SEZ6L: variants seen among roughly 807,000 people sequenced by gnomAD.
SEZ6L encodes seizure related 6 homolog like, also known as seizure 6-like protein.
A neutral mutation model predicts 106.2 loss-of-function variants in SEZ6L; 37 were observed. The observed-to-expected ratio is 0.35, with a 90% confidence interval of 0.27 to 0.46. The LOEUF (loss-of-function observed/expected upper bound fraction) is 0.46, where lower values mean the gene tolerates loss of function less well. SEZ6L is among the 20% of genes least tolerant of loss of function. The pLI is 1.00. For missense variants in SEZ6L, 1,172 were observed against 1,332.8 expected (o/e 0.88, Z 1.88); for synonymous variants, 541 against 570.4 (o/e 0.95, Z 0.73).
chr22:26,327,709 G>A (rs949796108), intron 9 of SEZ6L, among the ~76,000 whole-genome samples: 3 of 151,340 alleles, frequency 2.0e-5, no homozygotes, highest in Non-Finnish European at 2.9e-5. Context: ...CACACCACAC[G>A]CACATGCGCC....
chr22:26,201,382 C>CAAAAATAAA (rs746847898), intron 1 of SEZ6L, among the ~76,000 whole-genome samples: 1 of 75,320 alleles, frequency 1.3e-5, no homozygotes, highest in African/African-American at 5.7e-5. Context: ...TACAAAAATA[C>CAAAAATAAA]AAAAAAAAAA....
At chr22:26,280,889 T>G (rs1424951114) in intron 1 of SEZ6L, among the ~76,000 whole-genome samples, 2 of 152,234 alleles carry the variant, frequency 1.3e-5, no homozygotes, top group African/African-American at 4.8e-5. Flanking sequence ...CTTCACACAT[T>G]TATTAATTTT....
rs1429003830 is a variant in SEZ6L at position 26,351,242 on chromosome 22, T to C, written c.2598T>C (p.Val866=). The C allele has an allele frequency of 6.2e-7, 1 of 1,613,578 alleles. No individual in the cohort carries two copies. The highest frequency in any genetic ancestry group is 1.3e-5 in the African/African-American group (1 of 74,932). The change falls in exon 12 of 17, where the codon GTT becomes GTC. Residue 866 remains valine (V), a splice_region_variant and synonymous_variant. Coordinates refer to ENST00000248933, the MANE Select transcript of SEZ6L (RefSeq NM_021115.5). ...PIWTSRLPHC[V]SEESLACDNP... ...GGACGTCTCGCCTGCCCCACTGCGT[T>C]TGTGAGTCCTGTTTAATGAATTGGG... is the stretch of plus-strand genomic sequence containing the variant.
chr22:26,335,056 C>T (rs563691292), intron 9 of SEZ6L, among the ~76,000 whole-genome samples: 43 of 152,208 alleles, frequency 2.8e-4, no homozygotes, highest in Non-Finnish European at 6.0e-4. Context: ...GTGAACTCAA[C>T]ACATTTTCAT....
chr22:26,197,261 A>G (rs569005097), intron 1 of SEZ6L, among the ~76,000 whole-genome samples: 83 of 152,300 alleles, frequency 5.4e-4, no homozygotes, highest in African/African-American at 1.9e-3. Context: ...ATTCCCAGCA[A>G]CTAAGCCTGG....
At chr22:26,281,398 G>A (rs199601990) in intron 1 of SEZ6L, among the ~76,000 whole-genome samples, 3 of 137,028 alleles carry the variant, frequency 2.2e-5, no homozygotes, top group African/African-American at 8.4e-5. Context: ...TTTTTGAGAC[G>A]GAGTCTCACT....
intron 1 of SEZ6L, among the ~76,000 whole-genome samples, chr22:26,202,131 G>T (rs1163001921): frequency 1.3e-5 from 2 of 152,058 alleles, no homozygotes; most frequent in African/African-American, 4.8e-5. Flanking sequence ...AGCCAGGATA[G>T]TCTTGATCTC....
At chr22:26,221,504 G>A (rs2078467549) in intron 1 of SEZ6L, among the ~76,000 whole-genome samples, 2 of 152,240 alleles carry the variant, frequency 1.3e-5, no homozygotes, top group South Asian at 4.1e-4. Flanking sequence ...ATATGAAATA[G>A]ACACACTGCC....
At chr22:26,369,533 GT>G (rs1245032033) in intron 13 of SEZ6L, among the ~76,000 whole-genome samples, 2 of 150,836 alleles carry the variant, frequency 1.3e-5, no homozygotes, top group South Asian at 2.1e-4. Context: ...GTAGAGACGG[GT>G]TTTCACCGTG....
chr22:26,205,131 TC>T (rs1360563414), intron 1 of SEZ6L, among the ~76,000 whole-genome samples: 1 of 152,196 alleles, frequency 6.6e-6, no homozygotes, highest in African/African-American at 2.4e-5. Flanking sequence ...GAAGAGAAAC[TC>T]GCTTTATGTG....
chr22:26,294,549 C>A (rs562257566), intron 3 of SEZ6L, 124 bp downstream of exon 3: 2 of 930,116 alleles, frequency 2.2e-6, no homozygotes, highest in East Asian at 5.0e-5. Context: ...ACCAGGCCAA[C>A]TTTAGCTGGG....
Position 26,353,606 on chromosome 22 carries a change from C to T in SEZ6L, c.2599+2363C>T, listed in dbSNP as rs116265599. Among the ~76,000 whole-genome samples, 614 of 152,332 alleles carry T rather than the reference C, an allele frequency of 4.0e-3. 6 individuals are homozygous for T. Among genetic ancestry groups the T allele is most frequent in the African/African-American group, 0.014 (598 of 41,578 alleles). On this transcript the variant is annotated intron_variant, in intron 12 of 16. Coordinates refer to ENST00000248933, the MANE Select transcript of SEZ6L (RefSeq NM_021115.5). ...GGTTGGTTCCTGTTATAGGTTGAAT[C>T]TATCCCCAAAAGATATGTTAAAGTC... is the stretch of plus-strand genomic sequence containing the variant.
At chr22:26,254,917 T>C (rs1079665) in intron 1 of SEZ6L, among the ~76,000 whole-genome samples, 51,926 of 151,900 alleles carry the variant, frequency 0.34, 9,388 homozygotes, top group East Asian at 0.62. Flanking sequence ...AGGCATGAAT[T>C]TGAGGGCTGT....
intron 1 of SEZ6L, among the ~76,000 whole-genome samples, chr22:26,258,748 C>T (rs532582215): frequency 4.6e-5 from 7 of 152,268 alleles, no homozygotes; most frequent in African/African-American, 1.7e-4. Flanking sequence ...TATAAAGGAT[C>T]TGTGGTAAGA....
At position 26,231,227 on chromosome 22, in the gene SEZ6L, T is replaced by C. The variant is rs5761427; in HGVS notation, c.95-61179T>C. On this transcript the variant is annotated intron_variant, in intron 1 of 16. Transcript: ENST00000248933. ...TACATGCAAATTAAGGGGTGGTTTA[T>C]GCAGAAATTTCTAGGATGAGGGTGG... is the stretch of plus-strand genomic sequence containing the variant. Among the ~76,000 whole-genome samples the C allele has an allele frequency of 5.5e-3, 834 of 152,350 alleles. 38 individuals carry two copies. In the East Asian group the frequency reaches 0.097, roughly 18 times the overall value.
intron 9 of SEZ6L, among the ~76,000 whole-genome samples, chr22:26,323,678 G>T (rs1448336647): frequency 6.6e-6 from 1 of 151,916 alleles, no homozygotes; most frequent in Non-Finnish European, 1.5e-5. Flanking sequence ...ATAACATAAG[G>T]TTTCTGACAC....
chr22:26,321,410 A>T (rs539042939), intron 9 of SEZ6L, among the ~76,000 whole-genome samples: 2 of 152,316 alleles, frequency 1.3e-5, no homozygotes, highest in Admixed American at 1.3e-4. Flanking sequence ...CACATTAGGG[A>T]GTCTGGGCTT....
At chr22:26,305,713 T>A (rs6004996) in intron 5 of SEZ6L, among the ~76,000 whole-genome samples, 4,150 of 152,276 alleles carry the variant, frequency 0.027, 183 homozygotes, top group African/African-American at 0.094. Context: ...GAAATACACA[T>A]GTTGATGGTT....
intron 2 of SEZ6L, among the ~76,000 whole-genome samples, chr22:26,293,382 G>A (rs2081201169): frequency 6.6e-6 from 1 of 152,242 alleles, no homozygotes; most frequent in Non-Finnish European, 1.5e-5. Context: ...CCAGGCTGGA[G>A]TGCCATGGCA....
Sources: gnomAD v4.1 joint callset for allele counts (sites outside exome capture counted in the v4.1 genomes callset) on GRCh38, gnomAD v4.1.1 for gene constraint, MANE v1.5 for transcripts, NCBI Gene and HGNC (gene_info 2026-07-23, HGNC 2026-07-21) for gene names.